ATL2: variants seen among roughly 807,000 people sequenced by gnomAD.
ATL2 encodes the protein atlastin GTPase 2, also known as atlastin-2.
In ATL2, 31 loss-of-function variants were observed where a neutral mutation model predicts 73.9. The observed-to-expected ratio is 0.42, with a 90% CI of 0.32 to 0.57. The LOEUF is 0.57. ATL2 is among the 20% of genes least tolerant of loss of function. ATL2 has a pLI of 0.14. For missense variants in ATL2, 738 were observed against 702.6 expected, an observed-to-expected ratio of 1.05 and a Z score of -0.57; for synonymous variants, 291 against 237.5, an observed-to-expected ratio of 1.23 and a Z score of -2.07.
At chr2:38,369,265 C>G (rs917504043) in intron 1 of ATL2, among the ~76,000 whole-genome samples, 12 of 151,138 alleles carry the variant, frequency 7.9e-5, no homozygotes, top group African/African-American at 2.4e-4. Context: ...GCCTGACCAA[C>G]ATAGTGAAAC....
At chr2:38,310,901 A>C (rs1276214197) in intron 7 of ATL2, among the ~76,000 whole-genome samples, 2 of 152,138 alleles carry the variant, frequency 1.3e-5, no homozygotes, top group Non-Finnish European at 2.9e-5. Flanking sequence ...TGCTGGGATT[A>C]CAGGCATGAG....
intron 1 of ATL2, among the ~76,000 whole-genome samples, chr2:38,368,281 T>C (rs1671465713): frequency 6.7e-6 from 1 of 150,160 alleles, no homozygotes; most frequent in Non-Finnish European, 1.5e-5. Context: ...AGACGGAGTT[T>C]CACTCTTGTT....
At chr2:38,377,938 T>G (rs894480296), upstream of ATL2, among the ~76,000 whole-genome samples, 5 of 152,090 alleles carry the variant, frequency 3.3e-5, no homozygotes, top group Admixed American at 6.5e-5. Flanking sequence ...CAACTGTGTA[T>G]ACCCTGGCCC....
Position 38,333,666 on chromosome 2 carries a change from G to A in ATL2, c.363+9602C>T, listed in dbSNP as rs13339773. ...AATGGAAATATGTGATGATAGGGGTGCCATAATATTTATGATACTGCAAAA... is the reference window on the plus strand; with the variant it reads ...AATGGAAATATGTGATGATAGGGGTACCATAATATTTATGATACTGCAAAA... On this transcript the variant is annotated intron_variant, in intron 2 of 12. Coordinates refer to ENST00000378954, the MANE Select transcript of ATL2 (RefSeq NM_001135673.4). Among the ~76,000 whole-genome samples the A allele has an allele frequency of 6.6e-3, 1,012 of 152,272 alleles. 10 individuals are homozygous for A. The highest frequency in any genetic ancestry group is 0.02 in the African/African-American group (851 of 41,548).
chr2:38,377,076 C>A (rs1400184045), intron 1 of ATL2, 67 bp downstream of exon 1: 2 of 1,507,170 alleles, frequency 1.3e-6, no homozygotes, highest in African/African-American at 1.4e-5. Flanking sequence ...GGCCGGTGCC[C>A]GCGAGCCCGA....
At chr2:38,348,903 C>T (rs1379238946) in intron 1 of ATL2, among the ~76,000 whole-genome samples, 1 of 152,122 alleles carries the variant, frequency 6.6e-6, no homozygotes, top group Non-Finnish European at 1.5e-5. Context: ...ATTTATGCAG[C>T]CAAAACACAC....
intron 3 of ATL2, 89 bp downstream of exon 3, chr2:38,318,796 C>T (rs1668166830): frequency 1.1e-5 from 16 of 1,459,612 alleles, no homozygotes; most frequent in Non-Finnish European, 1.5e-5. Flanking sequence ...AGTTATCAAA[C>T]ATTAATAGTT....
Position 38,345,947 on chromosome 2 carries a change from G to A in ATL2, c.119-2435C>T, listed in dbSNP as rs374812030. ...TTGAAATATGTATGCTACGCAGTAA[G>A]CACCATAGGTGTAAGTTAACAGTAA... On this transcript the variant is annotated intron_variant, in intron 1 of 12. Transcript: ENST00000378954. 4.3e-4 allele frequency among the ~76,000 whole-genome samples: 66 copies of A among 152,302 alleles called. 3 individuals are homozygous for A. In the South Asian group the frequency reaches 7.7e-3, roughly 18 times the overall value.
chr2:38,353,827 A>G (rs1415013794), intron 1 of ATL2, among the ~76,000 whole-genome samples: 1 of 152,254 alleles, frequency 6.6e-6, no homozygotes, highest in African/African-American at 2.4e-5. Context: ...TGTTTTTAAA[A>G]GAAGTGTCAA....
intron 7 of ATL2, among the ~76,000 whole-genome samples, chr2:38,310,935 A>G (rs1312490194): frequency 6.6e-6 from 1 of 151,840 alleles, no homozygotes. Context: ...CCAACCCCAC[A>G]TTTTCTTAAA....
intron 2 of ATL2, among the ~76,000 whole-genome samples, chr2:38,341,026 A>T (rs1018054281): frequency 6.6e-6 from 1 of 152,234 alleles, no homozygotes; most frequent in Non-Finnish European, 1.5e-5. Context: ...CACTCTGAAC[A>T]GCCACTACTA....
chr2:38,312,492 C>CTT (rs1667809739), intron 7 of ATL2, among the ~76,000 whole-genome samples: 1 of 151,998 alleles, frequency 6.6e-6, no homozygotes, highest in Non-Finnish European at 1.5e-5. Context: ...AGGCCGATCA[C>CTT]AAGGTCAGGA....
intron 2 of ATL2, among the ~76,000 whole-genome samples, chr2:38,328,728 T>C (rs544222185): frequency 4.8e-4 from 73 of 151,882 alleles, no homozygotes; most frequent in African/African-American, 1.7e-3. Context: ...GGAAAGAAAA[T>C]AAGATCTAAA....
chr2:38,346,553 G>C (rs1452996933), intron 1 of ATL2, among the ~76,000 whole-genome samples: 1 of 152,122 alleles, frequency 6.6e-6, no homozygotes, highest in African/African-American at 2.4e-5. Flanking sequence ...CCACAGAAGG[G>C]GGAGCAGTGG....
chr2:38,335,694 C>T (rs1387193985), intron 2 of ATL2, among the ~76,000 whole-genome samples: 12 of 152,052 alleles, frequency 7.9e-5, no homozygotes. Flanking sequence ...TATAAAAATG[C>T]ACTGGCTATA....
At position 38,295,182 on chromosome 2, in the gene ATL2, T is replaced by C. The variant is rs1666828723; in HGVS notation, c.*812A>G. 6.6e-6 allele frequency: 1 copy of C among 152,152 alleles called. No individual in the cohort carries two copies. The allele number at this position is 152,152 out of a possible 1,614,324, so 9.4% of individuals were successfully genotyped here. ...AAACTACAAAACTTTTAATACAAAA[T>C]CGTATTTATATATTTATAAGTCATA... On this transcript the variant is annotated 3_prime_UTR_variant, in exon 13 of 13. Coordinates refer to ENST00000378954, the MANE Select transcript of ATL2 (RefSeq NM_001135673.4).
chr2:38,348,034 T>C (rs954842949), intron 1 of ATL2, among the ~76,000 whole-genome samples: 1 of 151,720 alleles, frequency 6.6e-6, no homozygotes, highest in Admixed American at 6.6e-5. Context: ...CCCAAAGTAC[T>C]AGGATTACAG....
intron 2 of ATL2, among the ~76,000 whole-genome samples, chr2:38,332,586 T>A (rs1251804883): frequency 6.6e-6 from 1 of 152,238 alleles, no homozygotes; most frequent in East Asian, 1.9e-4. Context: ...CCGCACACTT[T>A]AAGTGAATGA....
chr2:38,341,174 A>C (rs944261692), intron 2 of ATL2, among the ~76,000 whole-genome samples: 1 of 152,210 alleles, frequency 6.6e-6, no homozygotes, highest in Non-Finnish European at 1.5e-5. Context: ...TTTGCACTAA[A>C]CAGCTTAGAC....
Sources: gnomAD v4.1 joint callset for allele counts (sites outside exome capture counted in the v4.1 genomes callset) on GRCh38, gnomAD v4.1.1 for gene constraint, MANE v1.5 for transcripts, NCBI Gene and HGNC (gene_info 2026-07-23, HGNC 2026-07-21) for gene names.